Variants in ASH1L observed in about 807,000 individuals in gnomAD.
The protein encoded by ASH1L is histone-lysine N-methyltransferase ASH1L.
In ASH1L, 23 loss-of-function variants were observed where a neutral mutation model predicts 269.0. The ratio of observed to expected loss-of-function variants is 0.09; its 90% CI spans 0.06 to 0.12. The LOEUF (loss-of-function observed/expected upper bound fraction) is 0.12, where lower values mean the gene tolerates loss of function less well. ASH1L is among the 10% of genes least tolerant of loss of function. The pLI is 1.00. For missense variants in ASH1L, 2,912 were observed against 3,567.8 expected, an observed-to-expected ratio of 0.82 and a Z score of 4.68; for synonymous variants, 1,187 against 1,253.5, an observed-to-expected ratio of 0.95 and a Z score of 1.12.
intron 3 of ASH1L, among the ~76,000 whole-genome samples, chr1:155,465,817 T>C (rs1664643033): frequency 1.3e-5 from 2 of 152,208 alleles, no homozygotes; most frequent in African/African-American, 2.4e-5. Flanking sequence ...TGAGAACTTC[T>C]GGTCAAGATT....
intron 1 of ASH1L, among the ~76,000 whole-genome samples, chr1:155,524,440 T>A (rs980696054): frequency 3.4e-5 from 5 of 148,320 alleles, no homozygotes; most frequent in African/African-American, 1.3e-4. Flanking sequence ...GAGAATGGCG[T>A]GAATCTGGGA....
At chr1:155,452,112 C>T (rs1402624652) in intron 4 of ASH1L, among the ~76,000 whole-genome samples, 1 of 150,676 alleles carries the variant, frequency 6.6e-6, no homozygotes, top group African/African-American at 2.4e-5. Context: ...GATCTTGGCT[C>T]ACTGCAACCT....
Position 155,521,525 on chromosome 1 carries a change from G to A in ASH1L, c.-6C>T, listed in dbSNP as rs1668888225. The A allele has an allele frequency of 6.3e-7, 1 of 1,591,792 alleles. No homozygotes were observed. The highest frequency in any genetic ancestry group is 8.5e-7 in the Non-Finnish European group (1 of 1,170,712). ...GCAGTATTTCTAGGGTCCATCACAA[G>A]CGTATGTTATTGCCAAGGAATCTTA... On this transcript the variant is annotated 5_prime_UTR_variant, in exon 2 of 28. Coordinates refer to ENST00000392403, the MANE Select transcript of ASH1L (RefSeq NM_018489.3).
rs1665746766 is a variant in ASH1L at position 155,478,731 on chromosome 1, G to T, written c.4139C>A (p.Pro1380Gln). 6.2e-7 allele frequency: 1 copy of T among 1,613,878 alleles called. No individual in the cohort carries two copies. Among genetic ancestry groups the T allele is most frequent in the Admixed American group, 1.7e-5 (1 of 59,990 alleles). Residue 1380 changes from proline to glutamine, a missense_variant, in exon 3 of 28, where the codon CCA (proline) becomes CAA (glutamine). Around this residue, in one of 13 missense-constraint regions of ASH1L, gnomAD observed 789 missense variants for 897.6 expected, o/e 0.88. Transcript: ENST00000392403. This position sits in a 1 kb window ranked among gnomAD's most constrained non-coding sequence, Gnocchi z 4.6. ...SFPLSSTGFY[P>Q]SYGMPYSPSP... ...AGGAGAGTAAGGCATACCATAAGAT[G>T]GATAGAATCCAGTACTAGAAAGAGG...
chr1:155,483,782 A>C (rs907147517), intron 2 of ASH1L, among the ~76,000 whole-genome samples: 1 of 152,090 alleles, frequency 6.6e-6, no homozygotes, highest in Non-Finnish European at 1.5e-5. Context: ...AGTAAGGTAC[A>C]TCTGTACAAT....
At chr1:155,491,611 T>C (rs72993495) in intron 2 of ASH1L, among the ~76,000 whole-genome samples, 238 of 152,308 alleles carry the variant, frequency 1.6e-3, no homozygotes, top group African/African-American at 5.6e-3. Flanking sequence ...CTAAAGTGCT[T>C]AATCACTGCA....
At chr1:155,428,100 A>AT (rs1334726956) in intron 5 of ASH1L, among the ~76,000 whole-genome samples, 2 of 151,960 alleles carry the variant, frequency 1.3e-5, no homozygotes, top group African/African-American at 4.8e-5. Context: ...TTCTTTATAA[A>AT]TTACCCAGTC....
chr1:155,459,845 A>C lies in ASH1L; in HGVS notation c.5038T>G (p.Cys1680Gly), dbSNP rs1664153552. The change falls in exon 4 of 28, where the codon TGT becomes GGT. Residue 1680 changes from cysteine to glycine, a missense_variant. Cys to Gly is a radical substitution (Grantham distance 159). This residue lies in a region of ASH1L where 789 missense variants were observed against 897.6 expected (regional missense o/e 0.88). Transcript: ENST00000392403. ...GAAGACCTTTTCCGGGTAGGGCTAC[A>C]ATTTGTGCTCTCTGATGGCCGCTGG... is the stretch of plus-strand genomic sequence containing the variant. ...PSQRPSESTN[C>G]SPTRKRSSSE... is the part of the protein sequence containing the mutation. 1 of 1,612,936 alleles carries C rather than the reference A, an allele frequency of 6.2e-7. No homozygotes were observed. The highest frequency in any genetic ancestry group is 1.3e-5 in the African/African-American group (1 of 74,820).
chr1:155,536,657 C>T (rs1177562461), intron 1 of ASH1L, among the ~76,000 whole-genome samples: 2 of 152,060 alleles, frequency 1.3e-5, no homozygotes, highest in African/African-American at 4.8e-5. Context: ...TGCTCAAGCC[C>T]AGAAGTTCAA....
chr1:155,344,086 G>A (rs1004758138), intron 22 of ASH1L, 97 bp downstream of exon 22: 12 of 1,067,166 alleles, frequency 1.1e-5, no homozygotes, highest in Non-Finnish European at 1.4e-5. Flanking sequence ...GCTATTCGAG[G>A]CCGTATGGAG....
At chr1:155,524,320 G>C (rs930004025) in intron 1 of ASH1L, among the ~76,000 whole-genome samples, 2 of 151,382 alleles carry the variant, frequency 1.3e-5, no homozygotes, top group Non-Finnish European at 2.9e-5. Context: ...AGGAGATCGA[G>C]ACCATCCTAG....
Position 155,352,796 on chromosome 1 carries a change from C to T in ASH1L, c.7276G>A (p.Ala2426Thr). ...TARSVRTRRL[A>T]AAEENIEVAR... ...ACTTCAATATTTTCCTCTGCAGCTG[C>T]CAACCGTCTTGTTCGAACAGATCGA... The change falls in exon 17 of 28, where the codon GCA becomes ACA. Residue 2426 changes from alanine to threonine, a missense_variant. Transcript: ENST00000392403. 6.2e-7 allele frequency: 1 copy of T among 1,614,132 alleles called. No homozygotes were observed. The highest frequency in any genetic ancestry group is 8.5e-7 in the Non-Finnish European group (1 of 1,180,008).
chr1:155,409,479 C>T (rs1330609995), intron 6 of ASH1L, among the ~76,000 whole-genome samples: 1 of 152,172 alleles, frequency 6.6e-6, no homozygotes, highest in Non-Finnish European at 1.5e-5. Flanking sequence ...AATGTAGTAT[C>T]TTTGCAATGA....
chr1:155,383,965 T>C (rs562737773), intron 7 of ASH1L, among the ~76,000 whole-genome samples: 2 of 152,176 alleles, frequency 1.3e-5, no homozygotes, highest in Non-Finnish European at 2.9e-5. Flanking sequence ...AAAAATGTAA[T>C]ATATCAAAAA....
intron 5 of ASH1L, chr1:155,433,212 T>C: frequency 6.5e-7 from 1 of 1,548,626 alleles, no homozygotes; most frequent in Non-Finnish European, 8.7e-7. Flanking sequence ...ATGCCTGCCT[T>C]CTTGCCCCCT....
chr1:155,358,505 A>G lies in ASH1L; in HGVS notation c.6796-756T>C, dbSNP rs536711108. On this transcript the variant is annotated intron_variant, in intron 13 of 27. Coordinates refer to ENST00000392403, the MANE Select transcript of ASH1L (RefSeq NM_018489.3). ...TCGAGACCATCCTGGCTAACATGGT[A>G]AAACCCAGTCTCTACTAAAAAAAAT... Among the ~76,000 whole-genome samples, 584 of 152,048 alleles carry G rather than the reference A, an allele frequency of 3.8e-3. 3 individuals are homozygous for G. Among genetic ancestry groups the G allele is most frequent in the South Asian group, 0.033 (157 of 4,808 alleles).
chr1:155,526,265 G>A (rs985196663), intron 1 of ASH1L, among the ~76,000 whole-genome samples: 24 of 152,136 alleles, frequency 1.6e-4, no homozygotes, highest in Non-Finnish European at 3.2e-4. Flanking sequence ...CTAATACAAT[G>A]ATTGGCATGT....
chr1:155,458,571 G>A (rs1457195816), intron 4 of ASH1L, among the ~76,000 whole-genome samples: 2 of 152,048 alleles, frequency 1.3e-5, no homozygotes, highest in Non-Finnish European at 2.9e-5. Context: ...AAAAATATTA[G>A]CCGGGTATCA....
chr1:155,395,973 G>A (rs1167862084), intron 6 of ASH1L: 1 of 153,344 alleles, frequency 6.5e-6, no homozygotes, highest in Non-Finnish European at 1.5e-5. Flanking sequence ...AAGTAGGTAA[G>A]AGGAAAGATG....
Sources: allele counts gnomAD v4.1 joint callset (sites outside exome capture counted in the v4.1 genomes callset), GRCh38; gene constraint gnomAD v4.1.1; regional missense constraint gnomAD v4.1.1; non-coding constraint Gnocchi (gnomAD v3.1); transcripts MANE v1.5; gene names NCBI Gene and HGNC (gene_info 2026-07-23, HGNC 2026-07-21).